The following HAS1 variants were observed in gnomAD, a reference collection of about 807,000 sequenced individuals.
The protein encoded by HAS1 is hyaluronan synthase 1.
A neutral mutation model predicts 35.0 loss-of-function variants in HAS1; 27 were observed. The observed-to-expected ratio is 0.77, with a 90% CI of 0.57 to 1.06. HAS1 has a LOEUF of 1.06. HAS1 is among the 50% of genes least tolerant of loss of function. The probability of loss-of-function intolerance (pLI) is 0.00; values close to 1 mark genes in which losing one functional copy is unlikely to be tolerated. For synonymous variants in HAS1, 409 were observed against 371.2 expected (o/e 1.10, Z -1.17); for missense variants, 940 against 814.8 (o/e 1.15, Z -1.87).
At chr19:51,717,485 C>G (rs912489762) in intron 2 of HAS1, among the ~76,000 whole-genome samples, 2 of 152,132 alleles carry the variant, frequency 1.3e-5, no homozygotes, top group African/African-American at 4.8e-5. Context: ...TGGGATATAA[C>G]TGCCATGATT....
intron 2 of HAS1, among the ~76,000 whole-genome samples, chr19:51,718,718 G>C (rs57557370): frequency 3.9e-5 from 6 of 151,986 alleles, no homozygotes; most frequent in Non-Finnish European, 7.4e-5. Flanking sequence ...TGTATTTTTA[G>C]TAGAGACAGG....
Position 51,713,374 on chromosome 19 carries a change from C to G in HAS1, c.*53G>C. ...AAGTTCGTGGCTCGGGGCCCAGCAG[C>G]TCTCCTCTGGCCTCCCCTGAAGACC... On this transcript the variant is annotated 3_prime_UTR_variant, in exon 5 of 5. Transcript: ENST00000540069. This position sits in a 1 kb window ranked among gnomAD's most constrained non-coding sequence, Gnocchi z 4.5. 7.0e-7 allele frequency: 1 copy of G among 1,420,898 alleles called. No individual in the cohort carries two copies. The highest frequency in any genetic ancestry group is 9.2e-7 in the Non-Finnish European group (1 of 1,085,458). 88.0% of individuals were successfully genotyped at this position (1,420,898 alleles called of 1,614,324 possible). A position where few individuals can be genotyped will look rare whatever the true frequency, so the allele number is the denominator to read the frequency against.
At chr19:51,714,257 A>G in intron 4 of HAS1, 155 bp from the exon 5 acceptor site, 1 of 1,264,394 alleles carries the variant, frequency 7.9e-7, no homozygotes, top group Non-Finnish European at 1.1e-6. Context: ...AGGGTGGATA[A>G]TGGTTCCTAG....
chr19:51,723,629 A>G (rs1052831938), intron 1 of HAS1, among the ~76,000 whole-genome samples: 1 of 152,060 alleles, frequency 6.6e-6, no homozygotes, highest in African/African-American at 2.4e-5. Context: ...GGGAACATAG[A>G]CATACACAAG....
intron 1 of HAS1, among the ~76,000 whole-genome samples, chr19:51,720,918 G>T (rs4802855): frequency 0.73 from 110,283 of 152,078 alleles, 40,409 homozygotes; most frequent in East Asian, 0.99. Context: ...CCAATCAAAG[G>T]TTTCTTAGGG....
chr19:51,722,948 G>A (rs2083640715), intron 1 of HAS1, among the ~76,000 whole-genome samples: 1 of 152,154 alleles, frequency 6.6e-6, no homozygotes, highest in Non-Finnish European at 1.5e-5. Flanking sequence ...TACATTTCTA[G>A]AGGACAAAAC....
intron 4 of HAS1, among the ~76,000 whole-genome samples, chr19:51,715,965 C>T (rs184201846): frequency 1.0e-3 from 158 of 152,334 alleles, no homozygotes; most frequent in Non-Finnish European, 1.3e-3. Context: ...CTACCCTCAC[C>T]TTGCCTCTCT....
At chr19:51,718,252 T>C (rs1445833675) in intron 2 of HAS1, among the ~76,000 whole-genome samples, 6 of 149,922 alleles carry the variant, frequency 4.0e-5, no homozygotes, top group Non-Finnish European at 8.9e-5. Flanking sequence ...AAAAAAAAGA[T>C]TGCTACACCA....
In HAS1 at chr19:51,713,126, T is replaced by C. The variant is rs1053217742; in HGVS notation, c.*301A>G. On this transcript the variant is annotated 3_prime_UTR_variant, in exon 5 of 5. Transcript: ENST00000540069. The surrounding 1 kb of genome is among the most constrained non-coding windows in gnomAD (Gnocchi z 4.5). ...GGAGGCTGGGGGAAAATAAATAAAA[T>C]TCTTTATTACATCCTGATCACACAG... is the stretch of plus-strand genomic sequence containing the variant. 5 of 342,660 alleles carry C rather than the reference T, an allele frequency of 1.5e-5. No homozygotes were observed. The highest frequency in any genetic ancestry group is 1.1e-4 in the African/African-American group (5 of 47,408). The allele number at this position is 342,660 out of a possible 1,614,324, so 21.2% of individuals were successfully genotyped here. A position where few individuals can be genotyped will look rare whatever the true frequency, so the allele number is the denominator to read the frequency against.
rs45580238 is a variant in HAS1, at chr19:51,713,469, C to T, written c.1692G>A (p.Arg564=). 0.026 allele frequency: 40,550 copies of T among 1,563,710 alleles called. 650 individuals carry two copies. Among genetic ancestry groups the T allele is most frequent in the Non-Finnish European group, 0.03 (34,798 of 1,154,740 alleles). Residue 564 remains arginine, a synonymous_variant, in exon 5 of 5, where the codon AGG becomes AGA. Transcript: ENST00000540069. This position sits in a 1 kb window ranked among gnomAD's most constrained non-coding sequence, Gnocchi z 4.5. ...AGCCCCCGGTCCGCCGCCGGCAAAGCCTCCGCACGCCCACCCAGTACAGCG... is the reference window on the plus strand; with the variant it reads ...AGCCCCCGGTCCGCCGCCGGCAAAGTCTCCGCACGCCCACCCAGTACAGCG... ...MLTLYWVGVR[R]LCRRRTGGYR...
chr19:51,713,144 TCA>T lies in HAS1; in HGVS notation c.*281_*282del, dbSNP rs1160043624. ...AATAAAATTCTTTATTACATCCTGA[TCA>T]CACAGTAGAAATGGAGATTAAATAA... On this transcript the variant is annotated 3_prime_UTR_variant, in exon 5 of 5. Transcript: ENST00000540069. This position sits in a 1 kb window ranked among gnomAD's most constrained non-coding sequence, Gnocchi z 4.5. 3 of 389,288 alleles carry T rather than the reference TCA, an allele frequency of 7.7e-6. No homozygotes were observed. Among genetic ancestry groups the T allele is most frequent in the Non-Finnish European group, 1.4e-5 (3 of 220,886 alleles). The allele number at this position is 389,288 out of a possible 1,614,324, so 24.1% of individuals were successfully genotyped here.
Position 51,713,922 on chromosome 19 carries a change from G to A in HAS1, c.1239C>T (p.Phe413=), listed in dbSNP as rs1385939899. Reference sequence around the variant, plus strand: ...ACAGACGCAGCACAGTGGCCGCCACGAAGAAGGGGAACAGGCCGGAGACCA... The same window carrying A: ...ACAGACGCAGCACAGTGGCCGCCACAAAGAAGGGGAACAGGCCGGAGACCA... ...EAVVSGLFPF[F]VAATVLRLFY... The change falls in exon 5 of 5, where the codon TTC becomes TTT. Residue 413 remains phenylalanine (F), a synonymous_variant. Coordinates refer to ENST00000540069, the MANE Select transcript of HAS1 (RefSeq NM_001297436.2). The surrounding 1 kb of genome is among the most constrained non-coding windows in gnomAD (Gnocchi z 4.5). 11 of 1,608,416 alleles carry A rather than the reference G, an allele frequency of 6.8e-6. No homozygotes were observed. The highest frequency in any genetic ancestry group is 3.3e-5 in the South Asian group (3 of 91,092).
Position 51,719,368 on chromosome 19 carries a change from G to C in HAS1, c.537C>G (p.Ala179=). ...CCGCCTCCACCTCCCGATAGGCTCC[G>C]GCGCCCACCGCGCCCGCCGCCGCGG... is the stretch of plus-strand genomic sequence containing the variant. ...WEPAAAGAVG[A]GAYREVEAED... Residue 179 remains alanine, a synonymous_variant, in exon 2 of 5, where the codon GCC becomes GCG. Transcript: ENST00000540069. The C allele has an allele frequency of 6.3e-7, 1 of 1,596,202 alleles. No homozygotes were observed. The highest frequency in any genetic ancestry group is 8.5e-7 in the Non-Finnish European group (1 of 1,171,368).
At chr19:51,714,712 C>T (rs1015146030) in intron 4 of HAS1, among the ~76,000 whole-genome samples, 1 of 62,378 alleles carries the variant, frequency 1.6e-5, no homozygotes, top group Non-Finnish European at 3.4e-5. Context: ...AAAAAAAAGG[C>T]TCTCATAAGA....
Position 51,713,539 on chromosome 19 carries a change from G to C in HAS1, c.1622C>G (p.Ala541Gly). 1 of 1,592,052 alleles carries C rather than the reference G, an allele frequency of 6.3e-7. No individual in the cohort carries two copies. Among genetic ancestry groups the C allele is most frequent in the Non-Finnish European group, 8.5e-7 (1 of 1,170,242 alleles). The change falls in exon 5 of 5, where the codon GCC (alanine) becomes GGC (glycine). Residue 541 changes from alanine (A) to glycine (G), a missense_variant. Physicochemically the swap from Ala to Gly is moderately conservative, Grantham distance 60. Transcript: ENST00000540069. The surrounding 1 kb of genome is among the most constrained non-coding windows in gnomAD (Gnocchi z 4.5). ...PSRAAEAYHL[A>G]AGAGAYVGYW... ...GCCCACGTAGGCGCCGGCCCCCGCG[G>C]CCAAGTGGTAGGCCTCGGCTGCGCG... is the stretch of plus-strand genomic sequence containing the variant.
intron 1 of HAS1, 41 bp downstream of exon 1, chr19:51,723,884 T>TACATACAC: frequency 8.1e-7 from 1 of 1,227,612 alleles, no homozygotes; most frequent in Non-Finnish European, 1.1e-6. Flanking sequence ...CATGGCTGTA[T>TACATACAC]ACACACACAC....
rs2083649232 is a variant in HAS1 at position 51,723,983 on chromosome 19, CCT to C, written c.-52_-51del. Reference sequence around the variant, plus strand: ...TCTTCTCTCCGGCTTGCTCTCCCAGCCTCTCTGTGGCCAGAGAGCTGGAGGGG... The same window carrying C: ...TCTTCTCTCCGGCTTGCTCTCCCAGCCTCTGTGGCCAGAGAGCTGGAGGGG... On this transcript the variant is annotated 5_prime_UTR_variant, in exon 1 of 5. Transcript: ENST00000540069. 4 of 1,536,546 alleles carry C rather than the reference CCT, an allele frequency of 2.6e-6. No homozygotes were observed. In the South Asian group the frequency reaches 4.8e-5, roughly 18 times the overall value.
At chr19:51,714,238 G>T in intron 4 of HAS1, 136 bp from the exon 5 acceptor site, 1 of 1,364,794 alleles carries the variant, frequency 7.3e-7, no homozygotes, top group Non-Finnish European at 9.9e-7. Context: ...GTGTTCTCAT[G>T]TGTAGAATAG....
intron 1 of HAS1, among the ~76,000 whole-genome samples, chr19:51,722,005 A>G (rs1455006513): frequency 6.6e-6 from 1 of 152,230 alleles, no homozygotes; most frequent in Non-Finnish European, 1.5e-5. Flanking sequence ...TCACTCAGGT[A>G]ATAAGCAGAG....
Sources: allele counts gnomAD v4.1 joint callset (sites outside exome capture counted in the v4.1 genomes callset), GRCh38; gene constraint gnomAD v4.1.1; non-coding constraint Gnocchi (gnomAD v3.1); transcripts MANE v1.5; gene names NCBI Gene and HGNC (gene_info 2026-07-23, HGNC 2026-07-21).